The following CADM4 variants were observed in gnomAD, a reference collection of about 807,000 sequenced individuals.
CADM4 encodes TSLC1-like 2.
A neutral mutation model predicts 43.9 loss-of-function variants in CADM4; 13 were observed. The observed-to-expected ratio is 0.30, with a 90% confidence interval of 0.19 to 0.47. CADM4 has a LOEUF of 0.47. Among genes scored for constraint, CADM4 ranks in the 20% least tolerant of loss-of-function variants. The pLI is 1.00. For missense variants in CADM4, 420 were observed against 527.0 expected (o/e 0.80, Z 1.99); for synonymous variants, 209 against 220.9 (o/e 0.95, Z 0.48).
upstream of CADM4, among the ~76,000 whole-genome samples, chr19:43,640,395 C>T (rs1053549960): frequency 1.3e-4 from 19 of 151,350 alleles, no homozygotes; most frequent in African/African-American, 4.4e-4. Context: ...GCTGAGCCAC[C>T]GGGACAGGGG....
In CADM4 at chr19:43,625,083, A is replaced by G. The variant is rs2146135598; in HGVS notation, c.923T>C (p.Val308Ala). 6.3e-7 allele frequency: 1 copy of G among 1,583,040 alleles called. No individual in the cohort carries two copies. The highest frequency in any genetic ancestry group is 1.8e-4 in the Middle Eastern group (1 of 5,668). Residue 308 changes from valine to alanine, a missense_variant, in exon 7 of 9, where the codon GTC (valine) becomes GCC (alanine). By Grantham distance (64) the Val-to-Ala change is moderately conservative. Coordinates refer to ENST00000222374, the MANE Select transcript of CADM4 (RefSeq NM_145296.2). The surrounding 1 kb of genome is among the most constrained non-coding windows in gnomAD (Gnocchi z 4.5). ...GHARALYVLV[V>A]YDPGAVVEAQ... ...CGGCCGCAGCCTGCTCTCACCGTAG[A>G]CCACAAGTACGTAGAGCGCCCTCGC...
Position 43,626,235 on chromosome 19 carries a change from G to T in CADM4, c.553C>A (p.Arg185=). ...GKVWSVASTV[R]FRVDRKDDGG... ...TCGTCCTTACGGTCCACACGAAACC[G>T]TACTGTGCTTGCCACGCTCCAGACC... is the stretch of plus-strand genomic sequence containing the variant. The change falls in exon 5 of 9, where the codon CGG becomes AGG. Residue 185 remains arginine (R), a synonymous_variant. Transcript: ENST00000222374. This position sits in a 1 kb window ranked among gnomAD's most constrained non-coding sequence, Gnocchi z 5.9. 1 of 1,613,284 alleles carries T rather than the reference G, an allele frequency of 6.2e-7. No homozygotes were observed. The highest frequency in any genetic ancestry group is 8.5e-7 in the Non-Finnish European group (1 of 1,180,014).
At chr19:43,633,829 C>T (rs1351490940) in intron 1 of CADM4, among the ~76,000 whole-genome samples, 2 of 151,018 alleles carry the variant, frequency 1.3e-5, no homozygotes, top group African/African-American at 2.4e-5. Context: ...TACAGAGGTG[C>T]GTAGCTATGC....
At chr19:43,635,779 G>T (rs1012429994) in intron 1 of CADM4, among the ~76,000 whole-genome samples, 4 of 130,600 alleles carry the variant, frequency 3.1e-5, no homozygotes, top group Admixed American at 2.3e-4. Context: ...AGGAGTCTAA[G>T]ATCCCAGGCC....
At chr19:43,630,975 T>G (rs1409491864) in intron 1 of CADM4, among the ~76,000 whole-genome samples, 1 of 152,034 alleles carries the variant, frequency 6.6e-6, no homozygotes, top group Non-Finnish European at 1.5e-5. Context: ...AGGGGCTGAG[T>G]AGTCAGAGAT....
In CADM4 at chr19:43,626,433, C is replaced by T. The variant is rs2146138783; in HGVS notation, c.500-145G>A. ...TCTTGTCCTCCAAGCTACGCCCCTC[C>T]CCTAACCAAGCCCACGTGCCTCCTC... On this transcript the variant is annotated intron_variant, in intron 4 of 8. Coordinates refer to ENST00000222374, the MANE Select transcript of CADM4 (RefSeq NM_145296.2). The surrounding 1 kb of genome is among the most constrained non-coding windows in gnomAD (Gnocchi z 5.9). The T allele has an allele frequency of 1.0e-6, 1 of 997,568 alleles. No individual in the cohort carries two copies. The highest frequency in any genetic ancestry group is 1.5e-6 in the Non-Finnish European group (1 of 687,604). The allele number at this position is 997,568 out of a possible 1,614,324, so 61.8% of individuals were successfully genotyped here.
chr19:43,630,913 G>A (rs1973613318), intron 1 of CADM4, among the ~76,000 whole-genome samples: 1 of 152,182 alleles, frequency 6.6e-6, no homozygotes, highest in African/African-American at 2.4e-5. Context: ...TTACATTCAG[G>A]TGCTGGGTTG....
At chr19:43,631,572 C>T (rs56204051) in intron 1 of CADM4, among the ~76,000 whole-genome samples, 2,067 of 152,246 alleles carry the variant, frequency 0.014, 26 homozygotes, top group Middle Eastern at 0.037. Context: ...AGGCATTCCT[C>T]AGTCTCCTTG....
chr19:43,641,776 C>T (rs1239883960), upstream of CADM4, among the ~76,000 whole-genome samples: 2 of 152,208 alleles, frequency 1.3e-5, no homozygotes, highest in African/African-American at 4.8e-5. Flanking sequence ...CTTTCCAGGG[C>T]TCACATTCTG....
chr19:43,639,466 T>G (rs1371230031), intron 1 of CADM4, among the ~76,000 whole-genome samples: 2 of 141,244 alleles, frequency 1.4e-5, no homozygotes, highest in Admixed American at 7.0e-5. Context: ...CTTGTGTGTG[T>G]AGGGGGGTCT....
Position 43,639,814 on chromosome 19 carries a change from C to T in CADM4, c.-24G>A. The T allele has an allele frequency of 1.0e-6, 1 of 997,558 alleles. No homozygotes were observed. Among genetic ancestry groups the T allele is most frequent in the Non-Finnish European group, 1.2e-6 (1 of 842,710 alleles). The allele number at this position is 997,558 out of a possible 1,614,324, so 61.8% of individuals were successfully genotyped here. A position where few individuals can be genotyped will look rare whatever the true frequency, so the allele number is the denominator to read the frequency against. Reference sequence around the variant, plus strand: ...ATGGTGCCGCCGCCGCCGCCGCCGCCGCTCGCTCCCGGCCCGGCACCTGCA... The same window carrying T: ...ATGGTGCCGCCGCCGCCGCCGCCGCTGCTCGCTCCCGGCCCGGCACCTGCA... On this transcript the variant is annotated 5_prime_UTR_variant, in exon 1 of 9. Coordinates refer to ENST00000222374, the MANE Select transcript of CADM4 (RefSeq NM_145296.2).
rs1248114959 is a variant in CADM4, at chr19:43,626,912, G to A, written c.371C>T (p.Pro124Leu). 1 of 1,599,238 alleles carries A rather than the reference G, an allele frequency of 6.3e-7. No homozygotes were observed. The highest frequency in any genetic ancestry group is 1.3e-5 in the African/African-American group (1 of 74,674). Reference sequence around the variant, plus strand: ...CCGGACCTCCACCACAGGATTCTCTGGGGCCACTGCCGCAGGGAGAAGGGA... The same window carrying A: ...CCGGACCTCCACCACAGGATTCTCTAGGGCCACTGCCGCAGGGAGAAGGGA... ...QIATLTVLVA[P>L]ENPVVEVREQ... The change falls in exon 4 of 9, where the codon CCA (proline) becomes CTA (leucine). Residue 124 changes from proline (P) to leucine (L), a missense_variant. Coordinates refer to ENST00000222374, the MANE Select transcript of CADM4 (RefSeq NM_145296.2). This position sits in a 1 kb window ranked among gnomAD's most constrained non-coding sequence, Gnocchi z 5.9.
intron 1 of CADM4, among the ~76,000 whole-genome samples, chr19:43,636,860 C>T (rs1348897043): frequency 6.6e-6 from 1 of 152,048 alleles, no homozygotes; most frequent in Non-Finnish European, 1.5e-5. Context: ...GGGAGGGTCC[C>T]CCTATTCTCA....
rs555478586 is a variant in CADM4 at position 43,630,814 on chromosome 19, C to T, written c.65-3024G>A. Among the ~76,000 whole-genome samples the T allele has an allele frequency of 2.6e-5, 4 of 152,250 alleles. No individual in the cohort carries two copies. The East Asian group carries it at 5.8e-4, about 22-fold the overall frequency. On this transcript the variant is annotated intron_variant, in intron 1 of 8. Coordinates refer to ENST00000222374, the MANE Select transcript of CADM4 (RefSeq NM_145296.2). Reference sequence around the variant, plus strand: ...CCAACCTAGGAGATTTGCTTTCATCCTAAGGGCCAGTGAAGGTTTTGAAGC... The same window carrying T: ...CCAACCTAGGAGATTTGCTTTCATCTTAAGGGCCAGTGAAGGTTTTGAAGC...
chr19:43,623,426 G>A lies in CADM4; in HGVS notation c.1071C>T (p.Thr357=), dbSNP rs376546765. The part of the protein sequence containing the change: ...CSVRQKGSYL[T]HEASGLDEQG... ...GTTCATCCAAGCCACTGGCTTCGTG[G>A]GTCAGATAGGAACCTGAGGGGGTGA... Residue 357 remains threonine, a synonymous_variant, in exon 9 of 9, where the codon ACC becomes ACT. Transcript: ENST00000222374. The surrounding 1 kb of genome is among the most constrained non-coding windows in gnomAD (Gnocchi z 4.4). 2 of 1,613,892 alleles carry A rather than the reference G, an allele frequency of 1.2e-6. No individual in the cohort carries two copies. The highest frequency in any genetic ancestry group is 1.7e-6 in the Non-Finnish European group (2 of 1,179,816).
intron 1 of CADM4, among the ~76,000 whole-genome samples, chr19:43,632,769 A>G (rs1201134727): frequency 4.6e-5 from 7 of 152,008 alleles, no homozygotes; most frequent in Admixed American, 2.6e-4. Flanking sequence ...CTTCACCTTT[A>G]GAACACTTTC....
rs1973516943 is a variant in CADM4, at chr19:43,625,867, C to T, written c.755+44G>A. ...CCCTGGTCCCTGTTCTTCCAGGTCC[C>T]CAGCTTTCTCCTCCTGAGGACGCAG... is the stretch of plus-strand genomic sequence containing the variant. On this transcript the variant is annotated intron_variant, in intron 6 of 8. Transcript: ENST00000222374. The surrounding 1 kb of genome is among the most constrained non-coding windows in gnomAD (Gnocchi z 4.5). 6.5e-7 allele frequency: 1 copy of T among 1,549,178 alleles called. No individual in the cohort carries two copies. Among genetic ancestry groups the T allele is most frequent in the South Asian group, 1.1e-5 (1 of 89,646 alleles).
At position 43,627,674 on chromosome 19, in the gene CADM4, G is replaced by A. The variant is rs1775941158; in HGVS notation, c.181C>T (p.Arg61Trp). 11 of 1,613,770 alleles carry A rather than the reference G, an allele frequency of 6.8e-6. No individual in the cohort carries two copies. Among genetic ancestry groups the A allele is most frequent in the African/African-American group, 1.3e-5 (1 of 74,872 alleles). ...GTGCCATTGAAGAAGAGGGTCTGCC[G>A]GGCTGGGTTCTGGATGACAACTATG... ...GSIVVIQNPARQTLFFNGTRA... is the reference protein window; with the variant it reads ...GSIVVIQNPAWQTLFFNGTRA... Residue 61 changes from arginine (R) to tryptophan (W), a missense_variant, in exon 2 of 9, where the codon CGG becomes TGG. Coordinates refer to ENST00000222374, the MANE Select transcript of CADM4 (RefSeq NM_145296.2). This position sits in a 1 kb window ranked among gnomAD's most constrained non-coding sequence, Gnocchi z 4.0.
intron 1 of CADM4, among the ~76,000 whole-genome samples, chr19:43,629,012 G>A (rs1004702839): frequency 6.6e-6 from 1 of 152,210 alleles, no homozygotes; most frequent in South Asian, 2.1e-4. Context: ...AAGCTCCTAA[G>A]TTGTGGGTGA....
Sources: gnomAD v4.1 joint callset for allele counts (sites outside exome capture counted in the v4.1 genomes callset) on GRCh38, gnomAD v4.1.1 for gene constraint, Gnocchi (gnomAD v3.1) non-coding constraint, MANE v1.5 for transcripts, NCBI Gene and HGNC (gene_info 2026-07-23, HGNC 2026-07-21) for gene names.